SPHKAP: variants seen among roughly 807,000 people sequenced by gnomAD.
The protein encoded by SPHKAP is SPHK1 interactor, AKAP domain containing.
A neutral mutation model predicts 137.5 loss-of-function variants in SPHKAP; 67 were observed. That is an observed-to-expected ratio of 0.49 (90% CI 0.40 to 0.60). The LOEUF (loss-of-function observed/expected upper bound fraction) is 0.60. Ranked by LOEUF, SPHKAP falls within the 20% of genes least tolerant of loss-of-function variation. The probability of loss-of-function intolerance (pLI) is 0.00; values close to 1 mark genes in which losing one functional copy is unlikely to be tolerated. For missense variants in SPHKAP, 2,097 were observed against 2,069.3 expected (o/e 1.01, Z -0.26); for synonymous variants, 813 against 785.3 (o/e 1.04, Z -0.59).
At chr2:228,159,043 T>C (rs1700195457) in intron 1 of SPHKAP, among the ~76,000 whole-genome samples, 1 of 152,068 alleles carries the variant, frequency 6.6e-6, no homozygotes, top group Non-Finnish European at 1.5e-5. Flanking sequence ...GATGAAGTAA[T>C]TTACCAATGG....
At position 228,016,814 on chromosome 2, in the gene SPHKAP, C is replaced by A. The variant is rs778351328; in HGVS notation, c.4040G>T (p.Cys1347Phe). 6.2e-7 allele frequency: 1 copy of A among 1,614,032 alleles called. No homozygotes were observed. Among genetic ancestry groups the A allele is most frequent in the South Asian group, 1.1e-5 (1 of 91,060 alleles). The stretch of plus-strand genomic sequence containing the variant: ...CCTGCTCGCAGCTAATCTATTTGCA[C>A]ACTTCTCTGCTTGCGAGGGAGAGCC... ...SGGSPSQAEK[C>F]ANRLAASRMC... The change falls in exon 7 of 12, where the codon TGT (cysteine) becomes TTT (phenylalanine). Residue 1347 changes from cysteine to phenylalanine, a missense_variant. Cys to Phe is a radical substitution (Grantham distance 205). Coordinates refer to ENST00000392056, the MANE Select transcript of SPHKAP (RefSeq NM_001142644.2).
At chr2:227,988,520 C>T (rs1300609723) in intron 11 of SPHKAP, among the ~76,000 whole-genome samples, 1 of 152,240 alleles carries the variant, frequency 6.6e-6, no homozygotes, top group Non-Finnish European at 1.5e-5. Flanking sequence ...TGAGACACCT[C>T]TTACCCTTGT....
rs116993743 is a variant in SPHKAP at position 228,121,276 on chromosome 2, G to A, written c.138+10704C>T. On this transcript the variant is annotated intron_variant, in intron 2 of 11. Transcript: ENST00000392056. ...TGTAATCTCAGCACTTTGAGAGGCC[G>A]AGGCAGGAGGATGACTTGAGGCCAG... is the stretch of plus-strand genomic sequence containing the variant. Among the ~76,000 whole-genome samples, 54 of 152,260 alleles carry A rather than the reference G, an allele frequency of 3.5e-4. No individual in the cohort carries two copies. In the East Asian group the frequency reaches 8.3e-3, roughly 23 times the overall value.
At chr2:228,073,421 C>G (rs560673945) in intron 3 of SPHKAP, among the ~76,000 whole-genome samples, 1 of 152,072 alleles carries the variant, frequency 6.6e-6, no homozygotes, top group Non-Finnish European at 1.5e-5. Context: ...AGTAATTATA[C>G]GGATATGTGC....
chr2:227,993,330 A>AG lies in SPHKAP; in HGVS notation c.4721+203dup, dbSNP rs147344663. Among the ~76,000 whole-genome samples, 157 of 152,342 alleles carry AG rather than the reference A, an allele frequency of 1.0e-3. 4 individuals carry two copies. In the East Asian group the frequency reaches 0.028, roughly 27 times the overall value. On this transcript the variant is annotated intron_variant, in intron 9 of 11. Coordinates refer to ENST00000392056, the MANE Select transcript of SPHKAP (RefSeq NM_001142644.2). ...GTTTTATCTGAAATGATTATTTCAC[A>AG]GGGGGCAGATTTGAAACCCAGAAAG...
intron 2 of SPHKAP, among the ~76,000 whole-genome samples, chr2:228,117,364 G>A (rs2106358507): frequency 6.6e-6 from 1 of 152,204 alleles, no homozygotes; most frequent in Admixed American, 6.6e-5. Context: ...AAAATAAAGG[G>A]AGCCAGAGAA....
chr2:228,025,541 A>G lies in SPHKAP; in HGVS notation c.307-13T>C. 1.2e-6 allele frequency: 2 copies of G among 1,612,708 alleles called. No individual in the cohort carries two copies. The highest frequency in any genetic ancestry group is 1.3e-5 in the African/African-American group (1 of 74,966). ...CGTTGACCAGTTTCTGTAAAGCAAG[A>G]ATCTTTATTAGTTTAGCTGATTTCT... On this transcript the variant is annotated splice_polypyrimidine_tract_variant and intron_variant, in intron 4 of 11. Coordinates refer to ENST00000392056, the MANE Select transcript of SPHKAP (RefSeq NM_001142644.2).
chr2:228,051,643 T>C (rs1009039708), intron 3 of SPHKAP, among the ~76,000 whole-genome samples: 3 of 152,224 alleles, frequency 2.0e-5, no homozygotes, highest in African/African-American at 7.2e-5. Context: ...CACTGCTGTC[T>C]ACTGCTATTA....
chr2:228,066,919 G>C (rs963475750), intron 3 of SPHKAP, among the ~76,000 whole-genome samples: 2 of 152,152 alleles, frequency 1.3e-5, no homozygotes, highest in Non-Finnish European at 2.9e-5. Flanking sequence ...TTGATGTACT[G>C]TTCAGTTTGT....
At chr2:228,040,952 C>CTAAG (rs999053700) in intron 3 of SPHKAP, among the ~76,000 whole-genome samples, 14 of 151,936 alleles carry the variant, frequency 9.2e-5, no homozygotes, top group African/African-American at 3.4e-4. Context: ...AAAGTAGGCC[C>CTAAG]TAAGTAATTA....
chr2:228,136,626 GT>G (rs1699446064), intron 1 of SPHKAP, among the ~76,000 whole-genome samples: 1 of 152,146 alleles, frequency 6.6e-6, no homozygotes, highest in Admixed American at 6.5e-5. Flanking sequence ...AGCAGCATTG[GT>G]GTCACTTGGG....
chr2:228,089,701 T>C (rs1370259982), intron 3 of SPHKAP, among the ~76,000 whole-genome samples: 2 of 152,186 alleles, frequency 1.3e-5, no homozygotes, highest in African/African-American at 4.8e-5. Context: ...AGCCTTAGAA[T>C]ACTGCTCCCT....
intron 3 of SPHKAP, among the ~76,000 whole-genome samples, chr2:228,095,967 T>A (rs1055981840): frequency 1.3e-5 from 2 of 152,328 alleles, no homozygotes. Flanking sequence ...GGAATTAATC[T>A]GAATTTAAAA....
In SPHKAP at chr2:228,020,022, T is replaced by C; in HGVS notation, c.832A>G (p.Thr278Ala). ...LEDKYINKYPTPLIKTERSPE... is the reference protein window; with the variant it reads ...LEDKYINKYPAPLIKTERSPE... ...GATCGTTCTGTTTTAATCAATGGTGTGGGATATTTGTTGATGTATTTGTCT... is the reference window on the plus strand; with the variant it reads ...GATCGTTCTGTTTTAATCAATGGTGCGGGATATTTGTTGATGTATTTGTCT... Residue 278 changes from threonine (T) to alanine (A), a missense_variant, in exon 7 of 12, where the codon ACA (threonine) becomes GCA (alanine). Coordinates refer to ENST00000392056, the MANE Select transcript of SPHKAP (RefSeq NM_001142644.2). 6.2e-7 allele frequency: 1 copy of C among 1,614,208 alleles called. No individual in the cohort carries two copies. The highest frequency in any genetic ancestry group is 1.7e-5 in the Admixed American group (1 of 60,032).
intron 3 of SPHKAP, among the ~76,000 whole-genome samples, chr2:228,093,020 G>A (rs1041436529): frequency 2.6e-5 from 4 of 152,042 alleles, no homozygotes; most frequent in Non-Finnish European, 5.9e-5. Flanking sequence ...ACTTACTCAT[G>A]TAACCAAATA....
At chr2:228,056,014 A>G (rs1038820746) in intron 3 of SPHKAP, among the ~76,000 whole-genome samples, 1 of 152,176 alleles carries the variant, frequency 6.6e-6, no homozygotes, top group Non-Finnish European at 1.5e-5. Flanking sequence ...TCCATCTTCA[A>G]TGACAGGATG....
chr2:228,043,260 T>A (rs967429211), intron 3 of SPHKAP, among the ~76,000 whole-genome samples: 2 of 152,126 alleles, frequency 1.3e-5, no homozygotes, highest in African/African-American at 4.8e-5. Context: ...CTCAACACAA[T>A]GTATGAAAGG....
At chr2:228,059,781 A>C (rs1411658097) in intron 3 of SPHKAP, among the ~76,000 whole-genome samples, 2 of 152,242 alleles carry the variant, frequency 1.3e-5, no homozygotes. Context: ...CAGGGAGTAC[A>C]AAGATGTAGA....
chr2:228,030,374 T>C (rs936190273), intron 3 of SPHKAP, among the ~76,000 whole-genome samples: 1 of 150,440 alleles, frequency 6.6e-6, no homozygotes, highest in African/African-American at 2.4e-5. Context: ...AACAGCCGGG[T>C]GTGGTGGCGC....
Sources: allele counts gnomAD v4.1 joint callset (sites outside exome capture counted in the v4.1 genomes callset), GRCh38; gene constraint gnomAD v4.1.1; transcripts MANE v1.5; gene names NCBI Gene and HGNC (gene_info 2026-07-23, HGNC 2026-07-21).